Variants in CSMD1 observed in about 807,000 individuals in gnomAD.
CSMD1 encodes the protein CUB and sushi domain-containing protein 1.
CSMD1 carries 213 observed loss-of-function variants against 417.5 expected under a neutral mutation model. The observed-to-expected ratio is 0.51, with a 90% CI of 0.46 to 0.57. The LOEUF (loss-of-function observed/expected upper bound fraction) is 0.57. Among genes scored for constraint, CSMD1 ranks in the 20% least tolerant of loss-of-function variants. CSMD1 has a pLI of 0.00. For missense variants in CSMD1, 6,923 were observed against 4,529.7 expected (o/e 1.53, Z -15.17); for synonymous variants, 2,862 against 1,736.8 (o/e 1.65, Z -16.11).
intron 1 of CSMD1, among the ~76,000 whole-genome samples, chr8:4,912,135 A>AAAAAAAAAAAG (rs765904838): frequency 2.0e-4 from 23 of 115,634 alleles, no homozygotes; most frequent in Non-Finnish European, 2.3e-4. Flanking sequence ...AAAAAAAAAA[A>AAAAAAAAAAAG]AAAAAAGAAA....
At chr8:4,726,874 A>G (rs1284391384) in intron 1 of CSMD1, among the ~76,000 whole-genome samples, 1 of 152,218 alleles carries the variant, frequency 6.6e-6, no homozygotes, top group Non-Finnish European at 1.5e-5. Context: ...ATTGAGTTTC[A>G]AAAACATTAT....
Position 4,796,326 on chromosome 8 carries a change from A to G in CSMD1, c.86-158768T>C, listed in dbSNP as rs759941139. Among the ~76,000 whole-genome samples, 6 of 152,008 alleles carry G rather than the reference A, an allele frequency of 3.9e-5. No individual in the cohort carries two copies. The East Asian group carries it at 1.2e-3, about 30-fold the overall frequency. On this transcript the variant is annotated intron_variant, in intron 1 of 69. Coordinates refer to ENST00000635120, the MANE Select transcript of CSMD1 (RefSeq NM_033225.6). ...ATGGAGATGAGATGACAAGCGACCA[A>G]CGTGATGATCTTCACATATCCTCAG...
intron 5 of CSMD1, among the ~76,000 whole-genome samples, chr8:3,857,571 C>G (rs576977677): frequency 5.3e-5 from 8 of 152,298 alleles, no homozygotes; most frequent in Admixed American, 5.2e-4. Context: ...CACACCTGTT[C>G]TGTTTCTACG....
At chr8:3,486,203 A>C (rs2117266841) in intron 11 of CSMD1, among the ~76,000 whole-genome samples, 1 of 152,296 alleles carries the variant, frequency 6.6e-6, no homozygotes, top group Admixed American at 6.5e-5. Flanking sequence ...TTATATTAAG[A>C]CAGCGATGAT....
intron 6 of CSMD1, among the ~76,000 whole-genome samples, chr8:3,738,940 G>C (rs7825004): frequency 6.6e-6 from 1 of 152,020 alleles, no homozygotes; most frequent in East Asian, 1.9e-4. Context: ...TGCTGAATGC[G>C]CATATTTGTA....
intron 6 of CSMD1, among the ~76,000 whole-genome samples, chr8:3,723,496 C>T (rs545391367): frequency 6.6e-6 from 1 of 152,098 alleles, no homozygotes; most frequent in Non-Finnish European, 1.5e-5. Flanking sequence ...TTCAGATATT[C>T]CGAAAATCAT....
chr8:3,371,699 C>T (rs1210468088), intron 18 of CSMD1, among the ~76,000 whole-genome samples: 1 of 152,152 alleles, frequency 6.6e-6, no homozygotes, highest in African/African-American at 2.4e-5. Context: ...TCATCGTGCT[C>T]ACTAACCATC....
chr8:4,929,044 C>A (rs1047968118), intron 1 of CSMD1, among the ~76,000 whole-genome samples: 18 of 152,242 alleles, frequency 1.2e-4, no homozygotes, highest in Non-Finnish European at 2.4e-4. Flanking sequence ...GCATTCCAGC[C>A]TGGGGTGACA....
At chr8:4,661,867 T>C (rs1301208926) in intron 1 of CSMD1, among the ~76,000 whole-genome samples, 1 of 152,228 alleles carries the variant, frequency 6.6e-6, no homozygotes, top group Non-Finnish European at 1.5e-5. Flanking sequence ...ATCATGGAGA[T>C]GAAGGACGGT....
rs1273131062 is a variant in CSMD1, at chr8:3,132,336, C to T, written c.6241+10129G>A. The stretch of plus-strand genomic sequence containing the variant: ...CACAGAAATTACATTCTCATGCTAG[C>T]CTAATACATAGACGGCCTTCAAAAA... On this transcript the variant is annotated intron_variant, in intron 41 of 69. Transcript: ENST00000635120. 5.9e-5 allele frequency among the ~76,000 whole-genome samples: 9 copies of T among 151,596 alleles called. No individual in the cohort carries two copies. In the East Asian group the frequency reaches 1.7e-3, roughly 29 times the overall value.
intron 4 of CSMD1, among the ~76,000 whole-genome samples, chr8:4,014,600 G>T (rs994202748): frequency 6.6e-6 from 1 of 152,162 alleles, no homozygotes; most frequent in African/African-American, 2.4e-5. Context: ...ACTCCTGTGA[G>T]ATTAAAAGTA....
chr8:3,802,200 T>C (rs1264915308), intron 5 of CSMD1, among the ~76,000 whole-genome samples: 1 of 152,128 alleles, frequency 6.6e-6, no homozygotes, highest in Non-Finnish European at 1.5e-5. Flanking sequence ...AAGAAGGGCT[T>C]ATCACACCTT....
At chr8:4,117,000 T>C (rs987429692) in intron 3 of CSMD1, among the ~76,000 whole-genome samples, 32 of 151,996 alleles carry the variant, frequency 2.1e-4, no homozygotes, top group African/African-American at 7.2e-4. Flanking sequence ...TTCAGTAAGA[T>C]GGCCTGACGC....
chr8:4,726,006 A>C (rs1809412898), intron 1 of CSMD1, among the ~76,000 whole-genome samples: 3 of 152,122 alleles, frequency 2.0e-5, no homozygotes, highest in Non-Finnish European at 4.4e-5. Context: ...TAGTTGTAAG[A>C]ATTTTCTCAT....
At chr8:4,061,542 G>C (rs1398655373) in intron 3 of CSMD1, among the ~76,000 whole-genome samples, 2 of 152,154 alleles carry the variant, frequency 1.3e-5, no homozygotes, top group Admixed American at 1.3e-4. Context: ...AGTGAAGAAA[G>C]CCTACAGAAT....
intron 8 of CSMD1, among the ~76,000 whole-genome samples, chr8:3,593,525 G>A (rs755065916): frequency 1.3e-5 from 2 of 151,986 alleles, no homozygotes; most frequent in Non-Finnish European, 2.9e-5. Context: ...CCACAGCCCG[G>A]GCCCTTAACG....
Position 3,348,025 on chromosome 8 carries a change from T to G in CSMD1, c.3441A>C (p.Arg1147=). ...TATCTCCTTCAAACAGCTGGAAGCT[T>G]CGTGTTCTAAGGTGGATGCCCTTGC... ...EAGKGIHLRT[R]SFQLFEGDTL... The change falls in exon 22 of 70, where the codon CGA becomes CGC. Residue 1147 remains arginine, a synonymous_variant. Coordinates refer to ENST00000635120, the MANE Select transcript of CSMD1 (RefSeq NM_033225.6). 1 of 1,607,234 alleles carries G rather than the reference T, an allele frequency of 6.2e-7. No homozygotes were observed. The highest frequency in any genetic ancestry group is 8.5e-7 in the Non-Finnish European group (1 of 1,176,610).
intron 26 of CSMD1, among the ~76,000 whole-genome samples, chr8:3,253,627 G>A (rs1333260493): frequency 6.6e-6 from 1 of 152,156 alleles, no homozygotes; most frequent in African/African-American, 2.4e-5. Flanking sequence ...TTGAGAGTGG[G>A]TTGTTAAAGT....
intron 3 of CSMD1, among the ~76,000 whole-genome samples, chr8:4,418,131 GTTT>G (rs1239673507): frequency 1.3e-5 from 2 of 151,318 alleles, no homozygotes; most frequent in Non-Finnish European, 2.9e-5. Context: ...TTTTTGACAG[GTTT>G]TTTTCTTTTA....
Sources: allele counts gnomAD v4.1 joint callset (sites outside exome capture counted in the v4.1 genomes callset), GRCh38; gene constraint gnomAD v4.1.1; transcripts MANE v1.5; gene names NCBI Gene and HGNC (gene_info 2026-07-23, HGNC 2026-07-21).